The following GABRB3 variants were observed in gnomAD, a reference collection of about 807,000 sequenced individuals.
GABRB3 encodes gamma-aminobutyric acid type A receptor subunit beta3.
In GABRB3, 14 loss-of-function variants were observed where a neutral mutation model predicts 52.1. The observed-to-expected ratio is 0.27, with a 90% CI of 0.18 to 0.42. GABRB3 has a LOEUF of 0.42. Ranked by LOEUF, GABRB3 falls within the 10% of genes least tolerant of loss-of-function variation. GABRB3 has a pLI of 1.00. For missense variants in GABRB3, 307 were observed against 609.1 expected (o/e 0.50, Z 5.22); for synonymous variants, 260 against 232.3 (o/e 1.12, Z -1.08).
At chr15:26,686,736 C>T (rs553028499) in intron 3 of GABRB3, among the ~76,000 whole-genome samples, 7 of 152,346 alleles carry the variant, frequency 4.6e-5, no homozygotes, top group South Asian at 2.1e-4. Flanking sequence ...GCCTCCTTAG[C>T]GTGCTGGCAC....
At chr15:26,570,876 C>G (rs1270209923) in intron 6 of GABRB3, among the ~76,000 whole-genome samples, 1 of 152,056 alleles carries the variant, frequency 6.6e-6, no homozygotes, top group Non-Finnish European at 1.5e-5. Context: ...ATAAGCTGTA[C>G]AGTCCCCAGG....
chr15:26,760,305 G>A (rs936167625), intron 3 of GABRB3, among the ~76,000 whole-genome samples: 3 of 152,194 alleles, frequency 2.0e-5, no homozygotes, highest in African/African-American at 7.2e-5. Context: ...AATCAGAGCT[G>A]CAAGGCAACT....
At chr15:26,580,552 T>C in intron 5 of GABRB3, 96 bp from the exon 6 acceptor site, 1 of 1,512,086 alleles carries the variant, frequency 6.6e-7, no homozygotes, top group Non-Finnish European at 9.1e-7. Context: ...GCGGCTCTGC[T>C]ATGTTTTGAG....
At chr15:26,728,781 A>T (rs562936905) in intron 3 of GABRB3, among the ~76,000 whole-genome samples, 11 of 152,310 alleles carry the variant, frequency 7.2e-5, no homozygotes, top group Middle Eastern at 3.4e-3. Context: ...TTTCCAAAAG[A>T]TCTCTGGTCC....
At chr15:26,586,402 A>ACACACACACACT (rs747342440) in intron 4 of GABRB3, among the ~76,000 whole-genome samples, 3 of 150,278 alleles carry the variant, frequency 2.0e-5, no homozygotes, top group African/African-American at 7.4e-5. Context: ...CCCCTAACAC[A>ACACACACACACT]CACACACACA....
Position 26,752,048 on chromosome 15 carries a change from C to T in GABRB3, c.240+20354G>A, listed in dbSNP as rs113825256. Among the ~76,000 whole-genome samples, 241 of 152,130 alleles carry T rather than the reference C, an allele frequency of 1.6e-3. 1 individual carries two copies. Among genetic ancestry groups the T allele is most frequent in the African/African-American group, 5.7e-3 (236 of 41,514 alleles). ...CTTTAAAACATTTTTTAAAAGTCAA[C>T]AACCTAGTGTTATTTAACTAGCACA... On this transcript the variant is annotated intron_variant, in intron 3 of 8. Transcript: ENST00000311550.
intron 3 of GABRB3, among the ~76,000 whole-genome samples, chr15:26,635,714 C>T (rs1769060515): frequency 6.6e-6 from 1 of 152,020 alleles, no homozygotes. Flanking sequence ...ATTCAATTGC[C>T]CTTTGATTTC....
rs146348387 is a variant in GABRB3, at chr15:26,571,456, G to A, written c.683-3723C>T. Reference sequence around the variant, plus strand: ...GTCAGGAGAACGGGAATGTTTAATCGTCTCCCAGAGAAGAGCAGCAAATAT... The same window carrying A: ...GTCAGGAGAACGGGAATGTTTAATCATCTCCCAGAGAAGAGCAGCAAATAT... On this transcript the variant is annotated intron_variant, in intron 6 of 8. Coordinates refer to ENST00000311550, the MANE Select transcript of GABRB3 (RefSeq NM_000814.6). Among the ~76,000 whole-genome samples, 16 of 152,252 alleles carry A rather than the reference G, an allele frequency of 1.1e-4. No individual in the cohort carries two copies. In the East Asian group the frequency reaches 2.3e-3, roughly 22 times the overall value.
intron 3 of GABRB3, among the ~76,000 whole-genome samples, chr15:26,649,876 G>A (rs1887143498): frequency 6.6e-6 from 1 of 152,092 alleles, no homozygotes; most frequent in South Asian, 2.1e-4. Flanking sequence ...CTTTAATAAT[G>A]TTTTGTAATT....
chr15:26,705,208 C>T (rs117838999), intron 3 of GABRB3, among the ~76,000 whole-genome samples: 1,613 of 152,284 alleles, frequency 0.011, 23 homozygotes, highest in Non-Finnish European at 0.017. Flanking sequence ...TAAGGGCTTT[C>T]CTGCTGTGTC....
intron 3 of GABRB3, among the ~76,000 whole-genome samples, chr15:26,679,088 A>C (rs1322029231): frequency 6.6e-6 from 1 of 152,130 alleles, no homozygotes; most frequent in Non-Finnish European, 1.5e-5. Flanking sequence ...GGGCACCAAC[A>C]AGGTCTATAT....
intron 3 of GABRB3, among the ~76,000 whole-genome samples, chr15:26,689,158 G>A (rs762430314): frequency 5.3e-5 from 8 of 152,244 alleles, no homozygotes; most frequent in Middle Eastern, 3.4e-3. Context: ...CCAGTGCCCC[G>A]CCTGGGACAG....
intron 3 of GABRB3, among the ~76,000 whole-genome samples, chr15:26,717,817 A>G (rs1654691420): frequency 6.6e-6 from 1 of 152,218 alleles, no homozygotes; most frequent in Admixed American, 6.5e-5. Flanking sequence ...GCGTTAACCA[A>G]GAGAACTCAA....
At chr15:26,642,257 A>G (rs1244821263) in intron 3 of GABRB3, among the ~76,000 whole-genome samples, 2 of 152,142 alleles carry the variant, frequency 1.3e-5, no homozygotes, top group Middle Eastern at 3.2e-3. Context: ...CTGCAGCCAA[A>G]TGTGAGTCAA....
chr15:26,576,867 T>C (rs533399172), intron 6 of GABRB3, among the ~76,000 whole-genome samples: 13 of 152,272 alleles, frequency 8.5e-5, no homozygotes, highest in African/African-American at 2.2e-4. Context: ...GACGGACTTA[T>C]GCGTGTTCAA....
At chr15:26,566,373 T>G (rs976446097) in intron 7 of GABRB3, among the ~76,000 whole-genome samples, 1 of 152,168 alleles carries the variant, frequency 6.6e-6, no homozygotes, top group Admixed American at 6.5e-5. Context: ...ACACATGTAC[T>G]TACATTTTAT....
chr15:26,707,400 C>T (rs1202038295), intron 3 of GABRB3, among the ~76,000 whole-genome samples: 2 of 152,118 alleles, frequency 1.3e-5, no homozygotes, highest in African/African-American at 4.8e-5. Flanking sequence ...TGAATGAAAA[C>T]TGTGGTGTTT....
At chr15:26,742,240 T>C (rs529158406) in intron 3 of GABRB3, among the ~76,000 whole-genome samples, 56 of 152,286 alleles carry the variant, frequency 3.7e-4, no homozygotes, top group Middle Eastern at 6.8e-3. Flanking sequence ...TTCCCAGGAC[T>C]GGCTCTCTGA....
intron 3 of GABRB3, among the ~76,000 whole-genome samples, chr15:26,647,012 T>G (rs1887033697): frequency 6.6e-6 from 1 of 151,966 alleles, no homozygotes; most frequent in Non-Finnish European, 1.5e-5. Context: ...CCTGGATAAT[T>G]TTTTGTATTT....
Sources: allele counts gnomAD v4.1 joint callset (sites outside exome capture counted in the v4.1 genomes callset), GRCh38; gene constraint gnomAD v4.1.1; transcripts MANE v1.5; gene names NCBI Gene and HGNC (gene_info 2026-07-23, HGNC 2026-07-21).